The following PRKAG2 variants were observed in gnomAD, a reference collection of about 807,000 sequenced individuals.
PRKAG2 encodes 5'-AMP-activated protein kinase subunit gamma-2.
A neutral mutation model predicts 69.6 loss-of-function variants in PRKAG2; 26 were observed. The observed-to-expected ratio is 0.37, with a 90% CI of 0.27 to 0.52. The LOEUF (loss-of-function observed/expected upper bound fraction) is 0.52, where lower values mean the gene tolerates loss of function less well. PRKAG2 is among the 20% of genes least tolerant of loss of function. The pLI, the probability that PRKAG2 is intolerant of heterozygous loss-of-function variation, is 0.90. For missense variants in PRKAG2, 557 were observed against 740.0 expected (o/e 0.75, Z 2.87); for synonymous variants, 293 against 285.0 (o/e 1.03, Z -0.28).
chr7:151,867,660 T>A (rs186915380), intron 1 of PRKAG2, among the ~76,000 whole-genome samples: 4 of 152,132 alleles, frequency 2.6e-5, no homozygotes, highest in East Asian at 1.9e-4. Flanking sequence ...GACTTCGACC[T>A]TTTTTTTGGA....
At chr7:151,560,296 C>T (rs1002441766) in intron 15 of PRKAG2, 2 of 1,434,116 alleles carry the variant, frequency 1.4e-6, no homozygotes, top group Middle Eastern at 4.2e-4. Context: ...GGCCACTGGA[C>T]CTTGATAGGA....
intron 3 of PRKAG2, among the ~76,000 whole-genome samples, chr7:151,739,468 T>TTATC (rs1010832730): frequency 5.2e-4 from 79 of 151,112 alleles, no homozygotes; most frequent in South Asian, 1.3e-3. Context: ...ATTTATTTAT[T>TTATC]TATCTATTTT....
chr7:151,823,824 A>G (rs763659481), intron 1 of PRKAG2, among the ~76,000 whole-genome samples: 1 of 152,184 alleles, frequency 6.6e-6, no homozygotes, highest in Non-Finnish European at 1.5e-5. Flanking sequence ...CTACCTGGAG[A>G]GAAAATTAGA....
intron 15 of PRKAG2, chr7:151,559,172 G>A (rs1804397998): frequency 5.1e-6 from 5 of 982,418 alleles, no homozygotes; most frequent in Non-Finnish European, 6.0e-6. Flanking sequence ...GATGAGCCTG[G>A]CTCCCTCTGT....
chr7:151,677,603 C>G (rs1027176853), intron 3 of PRKAG2, among the ~76,000 whole-genome samples: 1 of 152,324 alleles, frequency 6.6e-6, no homozygotes, highest in African/African-American at 2.4e-5. Context: ...TACATGTAGC[C>G]TAGAGCTGCC....
Position 151,569,447 on chromosome 7 carries a change from T to C in PRKAG2, c.1107-605A>G, listed in dbSNP as rs1033103785. 2.6e-5 allele frequency among the ~76,000 whole-genome samples: 4 copies of C among 152,364 alleles called. No individual in the cohort carries two copies. The East Asian group carries it at 7.7e-4, about 29-fold the overall frequency. On this transcript the variant is annotated intron_variant, in intron 10 of 15. Coordinates refer to ENST00000287878, the MANE Select transcript of PRKAG2 (RefSeq NM_016203.4). ...ATCGTATTGGCAAGAGAGCAAAGGC[T>C]GTAGCAGCAAGCTCTCTGCATTGGT...
At chr7:151,787,333 T>C (rs948344018) in intron 1 of PRKAG2, among the ~76,000 whole-genome samples, 5 of 152,202 alleles carry the variant, frequency 3.3e-5, no homozygotes, top group Middle Eastern at 6.8e-3. Flanking sequence ...TTCCATCTTC[T>C]CAAACCAAAA....
chr7:151,820,848 A>T (rs1175285835), intron 1 of PRKAG2, among the ~76,000 whole-genome samples: 1 of 152,086 alleles, frequency 6.6e-6, no homozygotes, highest in Non-Finnish European at 1.5e-5. Flanking sequence ...CTTCTCTCCT[A>T]ACCCTGAGGC....
In PRKAG2 at chr7:151,776,589, G is replaced by T. The variant is rs541110224; in HGVS notation, c.466+4563C>A. Among the ~76,000 whole-genome samples, 3 of 152,318 alleles carry T rather than the reference G, an allele frequency of 2.0e-5. No individual in the cohort carries two copies. The South Asian group carries it at 6.2e-4, about 32-fold the overall frequency. ...GGGCCCAGGCCCCGGGTACACACGG[G>T]CCCCAGCAGGCAGCCCCAGGTCCCG... On this transcript the variant is annotated intron_variant, in intron 3 of 15. Coordinates refer to ENST00000287878, the MANE Select transcript of PRKAG2 (RefSeq NM_016203.4).
intron 5 of PRKAG2, among the ~76,000 whole-genome samples, chr7:151,597,256 T>A (rs1814777542): frequency 6.6e-6 from 1 of 152,206 alleles, no homozygotes; most frequent in Non-Finnish European, 1.5e-5. Context: ...CTATCTCTCA[T>A]CAGATACAAA....
At chr7:151,596,083 T>C (rs962676566) in intron 5 of PRKAG2, among the ~76,000 whole-genome samples, 7 of 152,168 alleles carry the variant, frequency 4.6e-5, no homozygotes, top group African/African-American at 1.7e-4. Context: ...TGCCTGCTGT[T>C]GCTACTCTGT....
chr7:151,631,754 C>G (rs1056609166), intron 5 of PRKAG2: 1 of 471,076 alleles, frequency 2.1e-6, no homozygotes, highest in African/African-American at 2.0e-5. Flanking sequence ...ACAATTAGCG[C>G]TCCCTGACAC....
intron 4 of PRKAG2, among the ~76,000 whole-genome samples, chr7:151,634,699 G>A (rs1374726938): frequency 6.6e-6 from 1 of 152,012 alleles, no homozygotes. Flanking sequence ...TAGAACATAG[G>A]CAAATGACAC....
At chr7:151,856,985 T>A (rs1241738572) in intron 1 of PRKAG2, among the ~76,000 whole-genome samples, 1 of 152,170 alleles carries the variant, frequency 6.6e-6, no homozygotes, top group Non-Finnish European at 1.5e-5. Flanking sequence ...GCCCAAAGTC[T>A]ACTGCTTTCA....
Position 151,701,166 on chromosome 7 carries a change from G to A in PRKAG2, c.467-25529C>T, listed in dbSNP as rs946219794. On this transcript the variant is annotated intron_variant, in intron 3 of 15. Coordinates refer to ENST00000287878, the MANE Select transcript of PRKAG2 (RefSeq NM_016203.4). Reference sequence around the variant, plus strand: ...CACCTGACCCAGACCTGAGGCCTGCGTCACTGGGCCGGGGGAGGAGGAGGT... The same window carrying A: ...CACCTGACCCAGACCTGAGGCCTGCATCACTGGGCCGGGGGAGGAGGAGGT... Among the ~76,000 whole-genome samples, 3 of 152,170 alleles carry A rather than the reference G, an allele frequency of 2.0e-5. No individual in the cohort carries two copies. The South Asian group carries it at 6.2e-4, about 31-fold the overall frequency.
In PRKAG2 at chr7:151,721,727, G is replaced by A. The variant is rs553250433; in HGVS notation, c.467-46090C>T. ...TGGAGAAGACAGATGTTTTGGCCTC[G>A]GATATTCACAGTGTCAGGCCAACGT... On this transcript the variant is annotated intron_variant, in intron 3 of 15. Coordinates refer to ENST00000287878, the MANE Select transcript of PRKAG2 (RefSeq NM_016203.4). Among the ~76,000 whole-genome samples, 59 of 152,252 alleles carry A rather than the reference G, an allele frequency of 3.9e-4. 1 individual carries two copies. In the South Asian group the frequency reaches 0.011, roughly 28 times the overall value.
intron 3 of PRKAG2, among the ~76,000 whole-genome samples, chr7:151,755,403 A>G (rs1476151622): frequency 6.6e-6 from 1 of 152,010 alleles, no homozygotes; most frequent in Non-Finnish European, 1.5e-5. Context: ...AGAGGAAGAC[A>G]GGGGGTGGGT....
chr7:151,817,765 G>A (rs1017573548), intron 1 of PRKAG2, among the ~76,000 whole-genome samples: 15 of 152,166 alleles, frequency 9.9e-5, no homozygotes, highest in African/African-American at 3.4e-4. Context: ...TAAGGAAATT[G>A]AGGCCCAGAG....
intron 3 of PRKAG2, among the ~76,000 whole-genome samples, chr7:151,684,472 A>G (rs1834376588): frequency 6.6e-6 from 1 of 152,202 alleles, no homozygotes; most frequent in African/African-American, 2.4e-5. Flanking sequence ...TTCTTTGAAC[A>G]TCTGAGCTGC....
Sources: gnomAD v4.1 joint callset for allele counts (sites outside exome capture counted in the v4.1 genomes callset) on GRCh38, gnomAD v4.1.1 for gene constraint, MANE v1.5 for transcripts, NCBI Gene and HGNC (gene_info 2026-07-23, HGNC 2026-07-21) for gene names.